CTNND2: variants seen among roughly 807,000 people sequenced by gnomAD.
CTNND2 encodes catenin delta 2.
In CTNND2, 22 loss-of-function variants were observed where a neutral mutation model predicts 144.4. That is an observed-to-expected ratio of 0.15 (90% CI 0.11 to 0.22). The LOEUF (loss-of-function observed/expected upper bound fraction) is 0.22, where lower values mean the gene tolerates loss of function less well. Ranked by LOEUF, CTNND2 falls within the 10% of genes least tolerant of loss-of-function variation. The pLI is 1.00. For missense variants in CTNND2, 1,353 were observed against 1,618.8 expected, an observed-to-expected ratio of 0.84 and a Z score of 2.82; for synonymous variants, 751 against 695.6, an observed-to-expected ratio of 1.08 and a Z score of -1.25.
At chr5:11,539,684 C>T (rs559487589) in intron 3 of CTNND2, among the ~76,000 whole-genome samples, 2 of 152,208 alleles carry the variant, frequency 1.3e-5, no homozygotes, top group Non-Finnish European at 2.9e-5. Context: ...CCTTCAATGC[C>T]ACTGGGGCTC....
intron 11 of CTNND2, among the ~76,000 whole-genome samples, chr5:11,192,081 A>C (rs1580543610): frequency 6.6e-6 from 1 of 152,166 alleles, no homozygotes; most frequent in Admixed American, 6.5e-5. Flanking sequence ...ACCATGATGC[A>C]CCTGGAGACA....
intron 1 of CTNND2, among the ~76,000 whole-genome samples, chr5:11,812,212 C>G (rs973263044): frequency 6.6e-6 from 1 of 152,170 alleles, no homozygotes. Flanking sequence ...AAAGCAGAGA[C>G]AGTGAATAGC....
chr5:10,973,719 C>G lies in CTNND2; in HGVS notation c.3418-6G>C. 1.3e-6 allele frequency: 2 copies of G among 1,586,118 alleles called. No individual in the cohort carries two copies. Among genetic ancestry groups the G allele is most frequent in the Middle Eastern group, 3.4e-4 (2 of 5,902 alleles). On this transcript the variant is annotated splice_region_variant and splice_polypyrimidine_tract_variant and intron_variant, in intron 21 of 21. Coordinates refer to ENST00000304623, the MANE Select transcript of CTNND2 (RefSeq NM_001332.4). This position sits in a 1 kb window ranked among gnomAD's most constrained non-coding sequence, Gnocchi z 5.6. ...GGGACTGGCTGTGCTGAAACCTAAA[C>G]GGGAAAGAAGAGCCACACTGGGTTA...
At chr5:11,568,576 C>T (rs1777310134) in intron 2 of CTNND2, among the ~76,000 whole-genome samples, 1 of 152,192 alleles carries the variant, frequency 6.6e-6, no homozygotes, top group Admixed American at 6.5e-5. Context: ...GAAAGACTGA[C>T]TGATTTTTCA....
At chr5:11,105,632 G>C (rs1294177849) in intron 14 of CTNND2, among the ~76,000 whole-genome samples, 1 of 152,234 alleles carries the variant, frequency 6.6e-6, no homozygotes, top group Non-Finnish European at 1.5e-5. Context: ...AGAGTTTTAA[G>C]TCTATAAACT....
At chr5:11,435,426 G>A (rs933370885) in intron 3 of CTNND2, among the ~76,000 whole-genome samples, 5 of 152,040 alleles carry the variant, frequency 3.3e-5, no homozygotes, top group Non-Finnish European at 7.4e-5. Context: ...ACAAGCCTGA[G>A]CCACCGCGCC....
intron 3 of CTNND2, among the ~76,000 whole-genome samples, chr5:11,490,566 C>T (rs1017245517): frequency 2.6e-5 from 4 of 152,024 alleles, no homozygotes; most frequent in African/African-American, 9.7e-5. Flanking sequence ...AATTATTGTG[C>T]CTGACTACAA....
intron 12 of CTNND2, among the ~76,000 whole-genome samples, chr5:11,122,285 T>A (rs1345772740): frequency 1.3e-4 from 19 of 151,926 alleles, no homozygotes; most frequent in Admixed American, 1.2e-3. Flanking sequence ...GAAGATAGCA[T>A]ACAGCATCGC....
At chr5:11,535,764 A>C (rs547441301) in intron 3 of CTNND2, among the ~76,000 whole-genome samples, 1 of 152,342 alleles carries the variant, frequency 6.6e-6, no homozygotes, top group Non-Finnish European at 1.5e-5. Context: ...AAAGATCTTT[A>C]TTCCCCCCGG....
chr5:11,397,046 G>C lies in CTNND2; in HGVS notation c.597C>G (p.Gly199=). 1 of 1,613,558 alleles carries C rather than the reference G, an allele frequency of 6.2e-7. No individual in the cohort carries two copies. The highest frequency in any genetic ancestry group is 8.5e-7 in the Non-Finnish European group (1 of 1,180,014). ...GGGTACCTACCTGGCTGAAGCTCTG[G>C]CCCGTAGCTCGGGCTTGTGTGCCTC... ...PARGTQARAT[G]QSFSQGTTSR... The change falls in exon 6 of 22, where the codon GGC becomes GGG. Residue 199 remains glycine (G), a synonymous_variant. Transcript: ENST00000304623.
In CTNND2 at chr5:11,641,751, TATGTACATACATATAC is replaced by T. The variant is rs1265935774; in HGVS notation, c.175-76711_175-76696del. ...GTGTGTGTATATACATATACGTGTG[TATGTACATACATATAC>T]GTATATGTATGTACATACATACACG... On this transcript the variant is annotated intron_variant, in intron 2 of 21. Coordinates refer to ENST00000304623, the MANE Select transcript of CTNND2 (RefSeq NM_001332.4). Among the ~76,000 whole-genome samples, 27 of 140,334 alleles carry T rather than the reference TATGTACATACATATAC, an allele frequency of 1.9e-4. 1 individual carries two copies. In the East Asian group the frequency reaches 2.9e-3, roughly 15 times the overall value. The allele number at this position is 140,334 out of a possible 152,430, so 92.1% of individuals were successfully genotyped here. A position where few individuals can be genotyped will look rare whatever the true frequency, so the allele number is the denominator to read the frequency against.
intron 3 of CTNND2, among the ~76,000 whole-genome samples, chr5:11,436,323 G>A (rs1763770528): frequency 1.3e-5 from 2 of 152,154 alleles, no homozygotes; most frequent in Admixed American, 6.5e-5. Context: ...AGGAGAGGCA[G>A]AAAGATCTCC....
At chr5:11,816,517 T>A (rs1422408599) in intron 1 of CTNND2, among the ~76,000 whole-genome samples, 1 of 149,986 alleles carries the variant, frequency 6.7e-6, no homozygotes, top group Admixed American at 6.7e-5. Context: ...TGCCTGTGGT[T>A]GGCTGGTGTT....
At chr5:11,600,099 C>T (rs1779705284) in intron 2 of CTNND2, among the ~76,000 whole-genome samples, 1 of 152,154 alleles carries the variant, frequency 6.6e-6, no homozygotes, top group South Asian at 2.1e-4. Context: ...AATTTCCATT[C>T]CTCCATCTAC....
At chr5:11,070,347 T>G (rs888652486) in intron 16 of CTNND2, among the ~76,000 whole-genome samples, 6 of 152,122 alleles carry the variant, frequency 3.9e-5, no homozygotes, top group Admixed American at 3.9e-4. Context: ...AATGCCTTTA[T>G]AAAGGATTGA....
intron 3 of CTNND2, among the ~76,000 whole-genome samples, chr5:11,450,763 T>C (rs888169648): frequency 2.6e-5 from 4 of 152,004 alleles, no homozygotes; most frequent in African/African-American, 9.7e-5. Flanking sequence ...TTGGGCGTGG[T>C]GGCGCATGCT....
At chr5:11,281,125 T>C (rs1372934420) in intron 9 of CTNND2, among the ~76,000 whole-genome samples, 3 of 152,144 alleles carry the variant, frequency 2.0e-5, no homozygotes, top group African/African-American at 7.2e-5. Flanking sequence ...TATCAAACAT[T>C]TTATGTTTTC....
intron 8 of CTNND2, among the ~76,000 whole-genome samples, chr5:11,352,552 A>C (rs987212272): frequency 6.6e-6 from 1 of 152,200 alleles, no homozygotes; most frequent in African/African-American, 2.4e-5. Flanking sequence ...CCTGAAACTT[A>C]AACAACAACA....
intron 9 of CTNND2, among the ~76,000 whole-genome samples, chr5:11,333,872 C>T (rs1753457142): frequency 6.6e-6 from 1 of 152,192 alleles, no homozygotes; most frequent in Non-Finnish European, 1.5e-5. Flanking sequence ...ACCCCTATGG[C>T]ATCCTACTGG....
Sources: allele counts gnomAD v4.1 joint callset (sites outside exome capture counted in the v4.1 genomes callset), GRCh38; gene constraint gnomAD v4.1.1; non-coding constraint Gnocchi (gnomAD v3.1); transcripts MANE v1.5; gene names NCBI Gene and HGNC (gene_info 2026-07-23, HGNC 2026-07-21).